BOD1L1: variants seen among roughly 807,000 people sequenced by gnomAD.
BOD1L1 encodes biorientation of chromosomes in cell division 1 like 1.
In BOD1L1, 86 loss-of-function variants were observed where a neutral mutation model predicts 240.7. The ratio of observed to expected loss-of-function variants is 0.36; its 90% CI spans 0.30 to 0.43. The LOEUF is 0.43. BOD1L1 is among the 20% of genes least tolerant of loss of function. BOD1L1 has a pLI of 1.00. For missense variants in BOD1L1, 3,554 were observed against 3,643.5 expected (o/e 0.98, Z 0.63); for synonymous variants, 1,268 against 1,272.3 (o/e 1.00, Z 0.07).
intron 25 of BOD1L1, among the ~76,000 whole-genome samples, chr4:13,574,743 C>A (rs1712544626): frequency 6.6e-6 from 1 of 152,132 alleles, no homozygotes; most frequent in Admixed American, 6.6e-5. Flanking sequence ...TTTATGTGAG[C>A]TGCTCCACCT....
At chr4:13,626,876 T>A (rs1301308012) in intron 1 of BOD1L1, among the ~76,000 whole-genome samples, 1 of 152,202 alleles carries the variant, frequency 6.6e-6, no homozygotes, top group Non-Finnish European at 1.5e-5. Context: ...TGCCTCCTTA[T>A]CTTTGCGCTC....
chr4:13,594,851 C>T (rs758737524), intron 12 of BOD1L1, among the ~76,000 whole-genome samples: 7 of 152,122 alleles, frequency 4.6e-5, no homozygotes, highest in Non-Finnish European at 7.4e-5. Context: ...GCCGAGATCA[C>T]GCCACTGTAC....
chr4:13,602,523 A>G lies in BOD1L1; in HGVS notation c.4377T>C (p.His1459=). The G allele has an allele frequency of 1.9e-6, 3 of 1,613,910 alleles. No individual in the cohort carries two copies. The highest frequency in any genetic ancestry group is 2.5e-6 in the Non-Finnish European group (3 of 1,179,878). ...EKYAETVKLK[H]KRSPGKVKDI... is the part of the protein sequence containing the mutation. The stretch of plus-strand genomic sequence containing the variant: ...CTTTTACTTTACCTGGGCTTCTTTT[A>G]TGCTTAAGTTTGACAGTTTCAGCAT... Residue 1459 remains histidine, a synonymous_variant, in exon 10 of 26, where the codon CAT becomes CAC. Coordinates refer to ENST00000040738, the MANE Select transcript of BOD1L1 (RefSeq NM_148894.3).
intron 21 of BOD1L1, 55 bp downstream of exon 21, chr4:13,580,965 C>A: frequency 1.4e-6 from 2 of 1,478,854 alleles, no homozygotes; most frequent in African/African-American, 1.4e-5. Context: ...TGCATTATAC[C>A]GTTTTTCAGG....
chr4:13,608,585 G>A lies in BOD1L1; in HGVS notation c.1687C>T (p.Arg563Trp), dbSNP rs142338081. 6.0e-5 allele frequency: 93 copies of A among 1,543,944 alleles called. No homozygotes were observed. Among genetic ancestry groups the A allele is most frequent in the South Asian group, 1.6e-4 (13 of 80,262 alleles). The change falls in exon 8 of 26, where the codon CGG (arginine) becomes TGG (tryptophan). Residue 563 changes from arginine to tryptophan, a missense_variant. By Grantham distance (101) the Arg-to-Trp change is moderately radical (BLOSUM62 -3). Transcript: ENST00000040738. ...AARIKEVLKE[R>W]KVLEKKVALS... ...GCTACTTTTTTTTCTAAAACTTTCC[G>A]TTCTTTAAGGACTTCTTTAATTCTG...
chr4:13,619,125 C>T (rs1716838323), intron 2 of BOD1L1, among the ~76,000 whole-genome samples: 1 of 151,828 alleles, frequency 6.6e-6, no homozygotes, highest in East Asian at 1.9e-4. Flanking sequence ...GATTTGGAGA[C>T]CAGTCTGGGC....
chr4:13,582,384 A>T (rs1028873278), intron 18 of BOD1L1, 74 bp from the exon 19 acceptor site: 1 of 1,126,084 alleles, frequency 8.9e-7, no homozygotes. Flanking sequence ...CAGGTGACCT[A>T]CACAGCTGCA....
In BOD1L1 at chr4:13,602,356, G is replaced by A. The variant is rs745435203; in HGVS notation, c.4544C>T (p.Thr1515Ile). Residue 1515 changes from threonine to isoleucine, a missense_variant, in exon 10 of 26, where the codon ACT becomes ATT. This residue lies in a region of BOD1L1 where 3,393 missense variants were observed against 3,427.1 expected (regional missense o/e 0.99). Transcript: ENST00000040738. ...VATGPRRAEK[T>I]SVATSTEGKD... ...CCCTTCAGTACTAGTGGCAACAGAAGTCTTTTCTGCTCTCCTAGGCCCAGT... is the reference window on the plus strand; with the variant it reads ...CCCTTCAGTACTAGTGGCAACAGAAATCTTTTCTGCTCTCCTAGGCCCAGT... 1.2e-6 allele frequency: 2 copies of A among 1,613,848 alleles called. No homozygotes were observed. Among genetic ancestry groups the A allele is most frequent in the African/African-American group, 2.7e-5 (2 of 74,922 alleles).
Position 13,604,586 on chromosome 4 carries a change from T to A in BOD1L1, c.2314A>T (p.Ile772Phe). Residue 772 changes from isoleucine to phenylalanine, a missense_variant, in exon 10 of 26, where the codon ATT becomes TTT. By Grantham distance (21) the Ile-to-Phe change is conservative. Around this residue, in one of 2 missense-constraint regions of BOD1L1, gnomAD observed 3,393 missense variants for 3,427.1 expected, o/e 0.99. Coordinates refer to ENST00000040738, the MANE Select transcript of BOD1L1 (RefSeq NM_148894.3). ...TTTGTTTGTTGACTTTGCTTTTGAA[T>A]ATTTTCCTCTACTTTTAAACCTTTC... ...SEKGLKVEEN[I>F]QKQSQQTKLS... is the part of the protein sequence containing the mutation. 6.4e-7 allele frequency: 1 copy of A among 1,569,308 alleles called. No homozygotes were observed.
intron 25 of BOD1L1, among the ~76,000 whole-genome samples, chr4:13,576,314 T>C (rs992253109): frequency 3.9e-5 from 6 of 152,218 alleles, no homozygotes; most frequent in Non-Finnish European, 8.8e-5. Context: ...CAGAGGTTTC[T>C]GGCTACAATA....
intron 24 of BOD1L1, 59 bp downstream of exon 24, chr4:13,577,344 C>T (rs1712837308): frequency 6.9e-7 from 1 of 1,455,348 alleles, no homozygotes. Flanking sequence ...CAAAGAAAAA[C>T]TCTTTAAAAA....
At chr4:13,586,777 T>C (rs1713735514) in intron 16 of BOD1L1, among the ~76,000 whole-genome samples, 1 of 152,232 alleles carries the variant, frequency 6.6e-6, no homozygotes, top group Non-Finnish European at 1.5e-5. Flanking sequence ...ACTTTCTAAA[T>C]GAGTTACCAC....
chr4:13,599,722 C>T lies in BOD1L1; in HGVS notation c.7178G>A (p.Gly2393Asp), dbSNP rs1225620340. Reference protein sequence around the residue: ...NCRCPGPVRGGKEPGPVLAVS... With the variant: ...NCRCPGPVRGDKEPGPVLAVS... ...TGCCAACACGGGACCCGGTTCTTTG[C>T]CTCCCCTGACTGGCCCAGGACACCG... The change falls in exon 10 of 26, where the codon GGC becomes GAC. Residue 2393 changes from glycine (G) to aspartate (D), a missense_variant. Physicochemically the swap from Gly to Asp is moderately conservative, Grantham distance 94. This residue lies in a region of BOD1L1 where 3,393 missense variants were observed against 3,427.1 expected (regional missense o/e 0.99). Transcript: ENST00000040738. The T allele has an allele frequency of 1.2e-6, 2 of 1,613,728 alleles. No individual in the cohort carries two copies. The highest frequency in any genetic ancestry group is 1.7e-5 in the Admixed American group (1 of 60,010).
rs768143338 is a variant in BOD1L1, at chr4:13,576,884, G to T, written c.8992C>A (p.Pro2998Thr). The change falls in exon 25 of 26, where the codon CCT (proline) becomes ACT (threonine). Residue 2998 changes from proline (P) to threonine (T), a missense_variant. Pro to Thr is a conservative substitution (Grantham distance 38, BLOSUM62 -1). This residue lies in a region of BOD1L1 where 3,393 missense variants were observed against 3,427.1 expected (regional missense o/e 0.99). Coordinates refer to ENST00000040738, the MANE Select transcript of BOD1L1 (RefSeq NM_148894.3). ...EEEEEEEEDE[P>T]SGATTRSTTR... ...GTGGATCTTGTGGTGGCTCCTGAAG[G>T]CTCGTCCTCTTCCTCTTCTTCCTCT... 8 of 1,613,986 alleles carry T rather than the reference G, an allele frequency of 5.0e-6. No homozygotes were observed. The highest frequency in any genetic ancestry group is 5.9e-6 in the Non-Finnish European group (7 of 1,179,890).
In BOD1L1 at chr4:13,609,163, C is replaced by T. The variant is rs149804950; in HGVS notation, c.1603+132G>A. On this transcript the variant is annotated intron_variant, in intron 7 of 25. Coordinates refer to ENST00000040738, the MANE Select transcript of BOD1L1 (RefSeq NM_148894.3). ...AATGATGAAACACATGAGATTAAAACGTAAGGAAATCTTCCACATTTGAGA... is the reference window on the plus strand; with the variant it reads ...AATGATGAAACACATGAGATTAAAATGTAAGGAAATCTTCCACATTTGAGA... The T allele has an allele frequency of 2.0e-3, 1,029 of 510,988 alleles. 15 individuals carry two copies. Among genetic ancestry groups the T allele is most frequent in the African/African-American group, 0.016 (787 of 50,298 alleles). 31.7% of individuals were successfully genotyped at this position (510,988 alleles called of 1,614,324 possible). A position where few individuals can be genotyped will look rare whatever the true frequency, so the allele number is the denominator to read the frequency against.
At position 13,601,697 on chromosome 4, in the gene BOD1L1, T is replaced by C. The variant is rs750863384; in HGVS notation, c.5203A>G (p.Arg1735Gly). 9.9e-6 allele frequency: 16 copies of C among 1,613,928 alleles called. No individual in the cohort carries two copies. Among genetic ancestry groups the C allele is most frequent in the Admixed American group, 5.0e-5 (3 of 60,010 alleles). The change falls in exon 10 of 26, where the codon AGA becomes GGA. Residue 1735 changes from arginine to glycine, a missense_variant. By Grantham distance (125) the Arg-to-Gly change is moderately radical. Around this residue, in one of 2 missense-constraint regions of BOD1L1, gnomAD observed 3,393 missense variants for 3,427.1 expected, o/e 0.99. Coordinates refer to ENST00000040738, the MANE Select transcript of BOD1L1 (RefSeq NM_148894.3). The part of the protein sequence containing the change: ...GTVTCTGAEG[R>G]SDNFVICSVT... Reference sequence around the variant, plus strand: ...GAGCAGATCACAAAGTTATCACTTCTGCCTTCTGCTCCTGTACATGTCACA... The same window carrying C: ...GAGCAGATCACAAAGTTATCACTTCCGCCTTCTGCTCCTGTACATGTCACA...
Position 13,627,456 on chromosome 4 carries a change from C to A in BOD1L1, c.132G>T (p.Ala44=). 1.7e-6 allele frequency: 2 copies of A among 1,163,858 alleles called. No individual in the cohort carries two copies. The highest frequency in any genetic ancestry group is 2.1e-6 in the Non-Finnish European group (2 of 936,414). 72.1% of individuals were successfully genotyped at this position (1,163,858 alleles called of 1,614,324 possible). The change falls in exon 1 of 26, where the codon GCG becomes GCT. Residue 44 remains alanine (A), a synonymous_variant. Coordinates refer to ENST00000040738, the MANE Select transcript of BOD1L1 (RefSeq NM_148894.3). ...GCTGCGGGTCCCCGGCGCCCGCACC[C>A]GCGCCGCCCGCCCCGCCCGCGCCGG... ...AGPGAGGAGG[A]GAGAGDPQLV... is the part of the protein sequence containing the mutation.
chr4:13,602,991 C>CA lies in BOD1L1; in HGVS notation c.3908dup (p.Phe1304ValfsTer2), dbSNP rs777950452. 6.2e-7 allele frequency: 1 copy of CA among 1,614,008 alleles called. No individual in the cohort carries two copies. Among genetic ancestry groups the CA allele is most frequent in the Non-Finnish European group, 8.5e-7 (1 of 1,179,884 alleles). ...CTTCCAAAACAGTTCTTTTGTCAAA[C>CA]AGAGGAATTACATCTGGATCATACG... On this transcript the variant is annotated frameshift_variant, in exon 10 of 26. Transcript: ENST00000040738. LOFTEE classifies it high-confidence loss of function.
rs764122915 is a variant in BOD1L1, at chr4:13,599,561, T to C, written c.7339A>G (p.Arg2447Gly). Residue 2447 changes from arginine to glycine, a missense_variant, in exon 10 of 26, where the codon AGA (arginine) becomes GGA (glycine). Around this residue, in one of 2 missense-constraint regions of BOD1L1, gnomAD observed 3,393 missense variants for 3,427.1 expected, o/e 0.99. Transcript: ENST00000040738. ...TGTAAAGTGCTCTCTTTCTGTCCTC[T>C]TCCTGCAAATGGTCCTATTTCGGGG... ...ECPEIGPFAGRGQKESTLHLI... is the reference protein window; with the variant it reads ...ECPEIGPFAGGGQKESTLHLI... The C allele has an allele frequency of 1.2e-6, 2 of 1,614,064 alleles. No individual in the cohort carries two copies. Among genetic ancestry groups the C allele is most frequent in the Non-Finnish European group, 1.7e-6 (2 of 1,179,908 alleles).
Sources: allele counts gnomAD v4.1 joint callset (sites outside exome capture counted in the v4.1 genomes callset), GRCh38; gene constraint gnomAD v4.1.1; regional missense constraint gnomAD v4.1.1; transcripts MANE v1.5; gene names NCBI Gene and HGNC (gene_info 2026-07-23, HGNC 2026-07-21).